The following KCNT2 variants were observed in gnomAD, a reference collection of about 807,000 sequenced individuals.
KCNT2 encodes potassium channel subfamily T member 2.
KCNT2 carries 67 observed loss-of-function variants against 153.8 expected under a neutral mutation model. The ratio of observed to expected loss-of-function variants is 0.44; its 90% CI spans 0.36 to 0.53. The LOEUF (loss-of-function observed/expected upper bound fraction) is 0.53. KCNT2 is among the 20% of genes least tolerant of loss of function. The pLI is 0.00. For missense variants in KCNT2, 975 were observed against 1,354.8 expected (o/e 0.72, Z 4.40); for synonymous variants, 500 against 458.8 (o/e 1.09, Z -1.15).
chr1:196,526,227 T>A (rs1229045705), intron 1 of KCNT2, among the ~76,000 whole-genome samples: 1 of 151,842 alleles, frequency 6.6e-6, no homozygotes, highest in African/African-American at 2.4e-5. Context: ...ATAAAAAATG[T>A]TCATGTATAA....
chr1:196,602,242 A>C (rs972028020), intron 1 of KCNT2, among the ~76,000 whole-genome samples: 1 of 152,230 alleles, frequency 6.6e-6, no homozygotes, highest in Non-Finnish European at 1.5e-5. Flanking sequence ...TTGTAAGTAT[A>C]TAAAGCAACT....
chr1:196,252,348 G>A (rs958905554), intron 26 of KCNT2, among the ~76,000 whole-genome samples: 1 of 151,774 alleles, frequency 6.6e-6, no homozygotes. Flanking sequence ...GTAGATGTAA[G>A]AGGCCATGCA....
chr1:196,549,352 T>C (rs1482130022), intron 1 of KCNT2, among the ~76,000 whole-genome samples: 1 of 151,838 alleles, frequency 6.6e-6, no homozygotes, highest in Admixed American at 6.6e-5. Flanking sequence ...ATTTTACAGA[T>C]AATAGGCCCC....
intron 5 of KCNT2, among the ~76,000 whole-genome samples, chr1:196,474,935 T>C (rs1678399881): frequency 6.6e-6 from 1 of 152,184 alleles, no homozygotes; most frequent in Non-Finnish European, 1.5e-5. Flanking sequence ...TCTGCTAAAC[T>C]CAACATGTAC....
At chr1:196,265,624 A>C (rs1337413865) in intron 25 of KCNT2, among the ~76,000 whole-genome samples, 2 of 152,156 alleles carry the variant, frequency 1.3e-5, no homozygotes, top group Non-Finnish European at 2.9e-5. Flanking sequence ...TTTGTGCACT[A>C]TACAGGTCCA....
chr1:196,414,087 A>T (rs960113417), intron 12 of KCNT2, among the ~76,000 whole-genome samples: 7 of 151,568 alleles, frequency 4.6e-5, no homozygotes, highest in South Asian at 2.1e-4. Flanking sequence ...TCATATATAT[A>T]AAAAAAAGTT....
rs1653538330 is a variant in KCNT2, at chr1:196,226,986, G to C, written c.*1238C>G. On this transcript the variant is annotated 3_prime_UTR_variant, in exon 28 of 28. Coordinates refer to ENST00000294725, the MANE Select transcript of KCNT2 (RefSeq NM_198503.5). ...CTCTTTTGATCTATTTCTCTAGGGG[G>C]AAAATGCAATACAGGTAAAAAATGA... 1.3e-5 allele frequency: 2 copies of C among 151,800 alleles called. No individual in the cohort carries two copies. Among genetic ancestry groups the C allele is most frequent in the South Asian group, 4.1e-4 (2 of 4,830 alleles). The allele number at this position is 151,800 out of a possible 1,614,324, so 9.4% of individuals were successfully genotyped here.
intron 25 of KCNT2, among the ~76,000 whole-genome samples, chr1:196,260,305 A>G (rs1044008385): frequency 2.0e-5 from 3 of 151,910 alleles, no homozygotes; most frequent in African/African-American, 7.2e-5. Flanking sequence ...AAAATTTTAA[A>G]TGGGAGCATA....
At chr1:196,390,908 T>TA (rs1553310685) in intron 13 of KCNT2, among the ~76,000 whole-genome samples, 82 of 142,902 alleles carry the variant, frequency 5.7e-4, no homozygotes, top group Admixed American at 2.9e-3. Flanking sequence ...TTTTTTTTTT[T>TA]AAAAAAAAAC....
At chr1:196,410,003 A>G (rs181758395) in intron 12 of KCNT2, among the ~76,000 whole-genome samples, 17 of 151,754 alleles carry the variant, frequency 1.1e-4, no homozygotes, top group African/African-American at 3.9e-4. Context: ...ATATAAGGTG[A>G]TATCTCTGCT....
intron 22 of KCNT2, among the ~76,000 whole-genome samples, chr1:196,299,603 A>T (rs1021949847): frequency 2.6e-5 from 4 of 152,092 alleles, no homozygotes; most frequent in East Asian, 1.9e-4. Flanking sequence ...AAAAATAACA[A>T]ATGCTAGCAA....
intron 19 of KCNT2, 142 bp downstream of exon 19, chr1:196,326,575 G>T (rs1663881668): frequency 2.1e-6 from 1 of 476,604 alleles, no homozygotes; most frequent in Non-Finnish European, 3.6e-6. Flanking sequence ...TCACAGCACA[G>T]AATATATCTC....
chr1:196,421,912 C>T (rs1041256258), intron 12 of KCNT2, among the ~76,000 whole-genome samples: 5 of 152,006 alleles, frequency 3.3e-5, no homozygotes, highest in Non-Finnish European at 5.9e-5. Flanking sequence ...TCCCTGTATA[C>T]GTGTCTGCCT....
At chr1:196,351,637 A>C (rs1344593156) in intron 14 of KCNT2, among the ~76,000 whole-genome samples, 4 of 152,028 alleles carry the variant, frequency 2.6e-5, no homozygotes, top group African/African-American at 7.2e-5. Context: ...ATATACAATC[A>C]TGTCGTCTGC....
chr1:196,414,959 G>T (rs562831481), intron 12 of KCNT2, among the ~76,000 whole-genome samples: 11 of 151,898 alleles, frequency 7.2e-5, no homozygotes, highest in African/African-American at 2.7e-4. Context: ...AAGGGCAAAT[G>T]TCAAAACAGT....
intron 22 of KCNT2, among the ~76,000 whole-genome samples, chr1:196,293,873 AC>A (rs1274770310): frequency 3.6e-4 from 53 of 148,506 alleles, no homozygotes; most frequent in Admixed American, 1.5e-3. Flanking sequence ...AAAAAAAAAA[AC>A]AAAAAAACAA....
chr1:196,397,571 G>A (rs916641801), intron 13 of KCNT2, among the ~76,000 whole-genome samples: 2 of 151,400 alleles, frequency 1.3e-5, no homozygotes, highest in African/African-American at 2.4e-5. Flanking sequence ...TGTGCAACCA[G>A]AGTTGGAAGC....
At chr1:196,329,774 TAC>T (rs1175537401) in intron 18 of KCNT2, among the ~76,000 whole-genome samples, 4 of 148,284 alleles carry the variant, frequency 2.7e-5, no homozygotes, top group Non-Finnish European at 6.0e-5. Context: ...CGCATATATA[TAC>T]ACATATATAT....
chr1:196,268,542 A>G (rs1047892420), intron 25 of KCNT2, among the ~76,000 whole-genome samples: 4 of 152,130 alleles, frequency 2.6e-5, no homozygotes, highest in Non-Finnish European at 5.9e-5. Context: ...TCACCCATCC[A>G]ACATCACGAG....
Sources: allele counts gnomAD v4.1 joint callset (sites outside exome capture counted in the v4.1 genomes callset), GRCh38; gene constraint gnomAD v4.1.1; transcripts MANE v1.5; gene names NCBI Gene and HGNC (gene_info 2026-07-23, HGNC 2026-07-21).